PTDSS2: variants seen among roughly 807,000 people sequenced by gnomAD.
The protein encoded by PTDSS2 is PSS-2.
Under a neutral mutation model 64.7 loss-of-function variants are expected in PTDSS2, and 41 were observed. The ratio of observed to expected loss-of-function variants is 0.63; its 90% CI spans 0.49 to 0.82. The LOEUF (loss-of-function observed/expected upper bound fraction) is 0.82. PTDSS2 is among the 40% of genes least tolerant of loss of function. The probability of loss-of-function intolerance (pLI) is 0.00; values close to 1 mark genes in which losing one functional copy is unlikely to be tolerated. For synonymous variants in PTDSS2, 297 were observed against 277.8 expected (o/e 1.07, Z -0.69); for missense variants, 485 against 650.0 (o/e 0.75, Z 2.76).
At position 487,403 on chromosome 11, in the gene PTDSS2, TA is replaced by T. The variant is rs1848442998; in HGVS notation, c.571-16del. On this transcript the variant is annotated splice_polypyrimidine_tract_variant and intron_variant, in intron 5 of 11. Transcript: ENST00000308020. ...GGCTGTGCCCCAGGGTCAAGGGTCA[TA>T]CCCTGTCGCCCACAGGACAAGTTGG... The T allele has an allele frequency of 1.2e-6, 2 of 1,613,340 alleles. No homozygotes were observed. Among genetic ancestry groups the T allele is most frequent in the South Asian group, 2.2e-5 (2 of 91,076 alleles).
chr11:473,945 C>G lies in PTDSS2; in HGVS notation c.335C>G (p.Ala112Gly). The change falls in exon 3 of 12, where the codon GCT (alanine) becomes GGT (glycine). Residue 112 changes from alanine (A) to glycine (G), a missense_variant. Physicochemically the swap from Ala to Gly is moderately conservative, Grantham distance 60. Around this residue, in one of 3 missense-constraint regions of PTDSS2, gnomAD observed 251 missense variants for 348.0 expected, o/e 0.72. Coordinates refer to ENST00000308020, the MANE Select transcript of PTDSS2 (RefSeq NM_030783.3). ...TTCTTATGTTTTGGAGTCACACAAG[C>G]TAAAGACGGGCCATTTTCCAGACCT... ...LVFLCFGVTQAKDGPFSRPHP... is the reference protein window; with the variant it reads ...LVFLCFGVTQGKDGPFSRPHP... The G allele has an allele frequency of 6.2e-7, 1 of 1,614,108 alleles. No individual in the cohort carries two copies. Among genetic ancestry groups the G allele is most frequent in the Non-Finnish European group, 8.5e-7 (1 of 1,179,942 alleles).
intron 4 of PTDSS2, among the ~76,000 whole-genome samples, chr11:485,459 CAG>C (rs1394195910): frequency 2.1e-4 from 28 of 131,050 alleles, no homozygotes; most frequent in African/African-American, 6.7e-4. Flanking sequence ...CGAGTGTAAA[CAG>C]TGCACGGGTG....
intron 2 of PTDSS2, among the ~76,000 whole-genome samples, chr11:464,857 C>T (rs1184598982): frequency 6.6e-6 from 1 of 152,164 alleles, no homozygotes; most frequent in Non-Finnish European, 1.5e-5. Context: ...TATAAATATC[C>T]TTACTTGTAA....
At chr11:469,539 G>A (rs1391031690) in intron 2 of PTDSS2, among the ~76,000 whole-genome samples, 1 of 152,002 alleles carries the variant, frequency 6.6e-6, no homozygotes, top group African/African-American at 2.4e-5. Context: ...GGGAGTCTCC[G>A]GGTAATCAGA....
intron 4 of PTDSS2, among the ~76,000 whole-genome samples, chr11:482,186 C>G (rs946994373): frequency 6.7e-6 from 1 of 150,374 alleles, no homozygotes; most frequent in Admixed American, 6.7e-5. Context: ...TGCCCAGAAC[C>G]TCCAGCTCAA....
In PTDSS2 at chr11:460,329, G is replaced by A. The variant is rs1290238133; in HGVS notation, c.284+41G>A. 6.5e-7 allele frequency: 1 copy of A among 1,541,418 alleles called. No individual in the cohort carries two copies. The highest frequency in any genetic ancestry group is 1.4e-5 in the African/African-American group (1 of 73,312). ...GTCCTGCCTTCTGAAACTGCCCTGT[G>A]CCCCGTGTGGTGGGTGTGGCACCCT... is the stretch of plus-strand genomic sequence containing the variant. On this transcript the variant is annotated intron_variant, in intron 2 of 11. Transcript: ENST00000308020. The surrounding 1 kb of genome is among the most constrained non-coding windows in gnomAD (Gnocchi z 5.8).
At chr11:469,140 A>G (rs1436140060) in intron 2 of PTDSS2, among the ~76,000 whole-genome samples, 1 of 90,748 alleles carries the variant, frequency 1.1e-5, no homozygotes, top group East Asian at 3.8e-4. Context: ...GGAGGAGGGG[A>G]GTCTCTGGGT....
chr11:450,318 GCTC>G lies in PTDSS2; in HGVS notation c.-137_-135del. The G allele has an allele frequency of 1.5e-6, 1 of 680,152 alleles. No homozygotes were observed. The highest frequency in any genetic ancestry group is 2.0e-6 in the Non-Finnish European group (1 of 490,320). The allele number at this position is 680,152 out of a possible 1,614,324, so 42.1% of individuals were successfully genotyped here. On this transcript the variant is annotated 5_prime_UTR_variant, in exon 1 of 12. Transcript: ENST00000308020. ...ACCCTTTACTGGCCGGCCCCGCGCT[GCTC>G]TCCTAAGACCCCGCGGGCCAGCGCC...
At chr11:488,334 G>A (rs370754337) in intron 7 of PTDSS2, 22 bp downstream of exon 7, 25 of 1,583,186 alleles carry the variant, frequency 1.6e-5, no homozygotes, top group South Asian at 9.9e-5. Context: ...CACAGCCCCC[G>A]GGGCAGTCGG....
intron 1 of PTDSS2, chr11:458,917 AT>A (rs1846726316): frequency 1.3e-5 from 2 of 152,390 alleles, no homozygotes; most frequent in South Asian, 4.1e-4. Context: ...CTTTAAGTGC[AT>A]TGTTCACTTA....
intron 6 of PTDSS2, 108 bp downstream of exon 6, chr11:487,578 G>A: frequency 9.2e-7 from 1 of 1,090,630 alleles, no homozygotes; most frequent in East Asian, 2.4e-5. Flanking sequence ...TGAGTGTGGT[G>A]GGAGGGTGTC....
Position 490,843 on chromosome 11 carries a change from G to T in PTDSS2, c.*261G>T. On this transcript the variant is annotated 3_prime_UTR_variant, in exon 12 of 12. Coordinates refer to ENST00000308020, the MANE Select transcript of PTDSS2 (RefSeq NM_030783.3). ...GTACACATGCGTGGCCGCCTGTGGTGTGCACGTGTGCTCTGGGCTCCGAGG... is the reference window on the plus strand; with the variant it reads ...GTACACATGCGTGGCCGCCTGTGGTTTGCACGTGTGCTCTGGGCTCCGAGG... The T allele has an allele frequency of 2.2e-6, 1 of 449,652 alleles. No individual in the cohort carries two copies. The highest frequency in any genetic ancestry group is 4.4e-5 in the Admixed American group (1 of 22,842). The allele number at this position is 449,652 out of a possible 1,614,324, so 27.9% of individuals were successfully genotyped here.
At chr11:473,342 A>T (rs1382515934) in intron 2 of PTDSS2, among the ~76,000 whole-genome samples, 3 of 152,220 alleles carry the variant, frequency 2.0e-5, no homozygotes, top group Non-Finnish European at 4.4e-5. Flanking sequence ...GGAGCTCTCT[A>T]GAGACACTTC....
intron 4 of PTDSS2, among the ~76,000 whole-genome samples, chr11:482,854 CTG>C (rs1372471420): frequency 7.2e-6 from 1 of 139,556 alleles, no homozygotes; most frequent in Non-Finnish European, 1.5e-5. Flanking sequence ...GGAGAAGTTT[CTG>C]TGAGTTTTTC....
At chr11:487,202 G>A in intron 5 of PTDSS2, 129 bp downstream of exon 5, 3 of 1,048,352 alleles carry the variant, frequency 2.9e-6, no homozygotes, top group Admixed American at 2.1e-5. Flanking sequence ...GAGATGTGCT[G>A]AGGCCCTGTC....
In PTDSS2 at chr11:479,532, G is replaced by C. The variant is rs1847976551; in HGVS notation, c.435+380G>C. The C allele has an allele frequency of 6.7e-6, 2 of 300,386 alleles. No homozygotes were observed. The highest frequency in any genetic ancestry group is 4.4e-5 in the African/African-American group (2 of 45,472). The allele number at this position is 300,386 out of a possible 1,614,324, so 18.6% of individuals were successfully genotyped here. ...GGCTTTGCCCACAGCTGTCGTATCTGAGTGCTGGTGGGGACTGGGCGTGAA... is the reference window on the plus strand; with the variant it reads ...GGCTTTGCCCACAGCTGTCGTATCTCAGTGCTGGTGGGGACTGGGCGTGAA... On this transcript the variant is annotated intron_variant, in intron 4 of 11. Coordinates refer to ENST00000308020, the MANE Select transcript of PTDSS2 (RefSeq NM_030783.3). This position sits in a 1 kb window ranked among gnomAD's most constrained non-coding sequence, Gnocchi z 4.2.
At chr11:472,697 C>T (rs1847528008) in intron 2 of PTDSS2, among the ~76,000 whole-genome samples, 1 of 152,178 alleles carries the variant, frequency 6.6e-6, no homozygotes, top group Non-Finnish European at 1.5e-5. Context: ...TGAGGCCAGG[C>T]ACTCCTGCAG....
At position 461,384 on chromosome 11, in the gene PTDSS2, C is replaced by T. The variant is rs1255572989; in HGVS notation, c.284+1096C>T. ...TAGGGGAGCGGATGCTTTAGAATCACGCACAGCAGACCTCATAACTGAGTC... is the reference window on the plus strand; with the variant it reads ...TAGGGGAGCGGATGCTTTAGAATCATGCACAGCAGACCTCATAACTGAGTC... On this transcript the variant is annotated intron_variant, in intron 2 of 11. Coordinates refer to ENST00000308020, the MANE Select transcript of PTDSS2 (RefSeq NM_030783.3). This position sits in a 1 kb window ranked among gnomAD's most constrained non-coding sequence, Gnocchi z 4.2. Among the ~76,000 whole-genome samples, 1 of 152,162 alleles carries T rather than the reference C, an allele frequency of 6.6e-6. No homozygotes were observed. The highest frequency in any genetic ancestry group is 1.5e-5 in the Non-Finnish European group (1 of 68,034).
chr11:464,879 CAT>C, intron 2 of PTDSS2, among the ~76,000 whole-genome samples: 1 of 152,246 alleles, frequency 6.6e-6, no homozygotes, highest in South Asian at 2.1e-4. Context: ...ACATATAAAA[CAT>C]AATGCATATA....
Sources: allele counts gnomAD v4.1 joint callset (sites outside exome capture counted in the v4.1 genomes callset), GRCh38; gene constraint gnomAD v4.1.1; regional missense constraint gnomAD v4.1.1; non-coding constraint Gnocchi (gnomAD v3.1); transcripts MANE v1.5; gene names NCBI Gene and HGNC (gene_info 2026-07-23, HGNC 2026-07-21).